PLOD2: variants seen among roughly 807,000 people sequenced by gnomAD.
The protein encoded by PLOD2 is procollagen-lysine,2-oxoglutarate 5-dioxygenase 2, also known as lysine hydroxylase 2.
Under a neutral mutation model 101.0 loss-of-function variants are expected in PLOD2, and 65 were observed. That is an observed-to-expected ratio of 0.64 (90% CI 0.53 to 0.79). The LOEUF is 0.79. Ranked by LOEUF, PLOD2 falls within the 30% of genes least tolerant of loss-of-function variation. The pLI, the probability that PLOD2 is intolerant of heterozygous loss-of-function variation, is 0.00. For synonymous variants in PLOD2, 314 were observed against 302.9 expected (o/e 1.04, Z -0.38); for missense variants, 909 against 914.6 (o/e 0.99, Z 0.08).
intron 1 of PLOD2, among the ~76,000 whole-genome samples, chr3:146,159,316 C>T (rs372510367): frequency 6.6e-6 from 1 of 152,126 alleles, no homozygotes; most frequent in African/African-American, 2.4e-5. Flanking sequence ...CTGTCCAGTT[C>T]CATGAAATTT....
chr3:146,115,255 T>A (rs571451073), intron 3 of PLOD2, among the ~76,000 whole-genome samples: 1 of 152,268 alleles, frequency 6.6e-6, no homozygotes, highest in African/African-American at 2.4e-5. Context: ...GATCTACATG[T>A]GAAGAAAATA....
intron 9 of PLOD2, among the ~76,000 whole-genome samples, chr3:146,087,356 AATAAT>A (rs1352704492): frequency 7.9e-5 from 12 of 152,092 alleles, no homozygotes; most frequent in African/African-American, 2.9e-4. Flanking sequence ...TATAAACTTA[AATAAT>A]CACATTTTAC....
intron 11 of PLOD2, among the ~76,000 whole-genome samples, chr3:146,083,733 T>G (rs1478385823): frequency 1.3e-5 from 2 of 151,682 alleles, no homozygotes; most frequent in African/African-American, 4.8e-5. Flanking sequence ...AGGTGCCCGC[T>G]ACCACGCCCG....
intron 1 of PLOD2, among the ~76,000 whole-genome samples, chr3:146,135,520 G>A (rs369462138): frequency 9.1e-4 from 138 of 152,114 alleles, no homozygotes; most frequent in African/African-American, 3.1e-3. Context: ...AGCATTCACC[G>A]TGCCAAGTTG....
chr3:146,084,234 G>T (rs1936679071), intron 11 of PLOD2, among the ~76,000 whole-genome samples: 1 of 151,992 alleles, frequency 6.6e-6, no homozygotes, highest in South Asian at 2.1e-4. Flanking sequence ...TACCTACGAT[G>T]TATATAGATA....
In PLOD2 at chr3:146,071,440, T is replaced by C. The variant is rs778200711; in HGVS notation, c.1849-17A>G. ...ACGGCTATCCTAGAAACAACATTAA[T>C]GACATAATAAGCTGTACTCCACGTG... On this transcript the variant is annotated splice_polypyrimidine_tract_variant and intron_variant, in intron 17 of 19. Coordinates refer to ENST00000282903, the MANE Select transcript of PLOD2 (RefSeq NM_182943.3). 1.2e-6 allele frequency: 2 copies of C among 1,610,054 alleles called. No individual in the cohort carries two copies. The highest frequency in any genetic ancestry group is 1.3e-5 in the African/African-American group (1 of 74,856).
At chr3:146,102,922 T>C in intron 6 of PLOD2, 70 bp from the exon 7 acceptor site, 1 of 746,660 alleles carries the variant, frequency 1.3e-6, no homozygotes, top group Non-Finnish European at 2.4e-6. Context: ...TTCGTGTGTC[T>C]GTGTGTGTAT....
At chr3:146,079,455 C>T (rs756824855) in intron 12 of PLOD2, among the ~76,000 whole-genome samples, 198 bp from the exon 13 acceptor site, 20 of 151,710 alleles carry the variant, frequency 1.3e-4, no homozygotes, top group Non-Finnish European at 2.5e-4. Context: ...GGAGATAAAC[C>T]ACTGCCCCTT....
intron 7 of PLOD2, among the ~76,000 whole-genome samples, chr3:146,097,548 A>G (rs1479571389): frequency 4.5e-5 from 5 of 110,324 alleles, no homozygotes; most frequent in African/African-American, 7.2e-5. Context: ...TCAGGGTTAA[A>G]TGGATTAAGG....
rs1051872709 is a variant in PLOD2 at position 146,076,765 on chromosome 3, G to C, written c.1677+17C>G. 4.5e-6 allele frequency: 5 copies of C among 1,103,176 alleles called. No homozygotes were observed. The highest frequency in any genetic ancestry group is 6.9e-6 in the Non-Finnish European group (5 of 719,436). The allele number at this position is 1,103,176 out of a possible 1,614,324, so 68.3% of individuals were successfully genotyped here. On this transcript the variant is annotated intron_variant, in intron 15 of 19. Transcript: ENST00000282903. ...ACAGTTATAGAAAAATAATAAAGTT[G>C]AGTATGAAATACATACCACAGGATT... is the stretch of plus-strand genomic sequence containing the variant.
Position 146,086,807 on chromosome 3 carries a change from C to A in PLOD2, c.1107G>T (p.Ala369=). The A allele has an allele frequency of 6.7e-7, 1 of 1,489,906 alleles. No individual in the cohort carries two copies. Among genetic ancestry groups the A allele is most frequent in the Non-Finnish European group, 9.1e-7 (1 of 1,099,412 alleles). The allele number at this position is 1,489,906 out of a possible 1,614,324, so 92.3% of individuals were successfully genotyped here. ...CATACATTCCCATGTTTCTGGCTTC[C>A]GCTTGACTTAGATTTTCTTCTGGTC... is the stretch of plus-strand genomic sequence containing the variant. The part of the protein sequence containing the change: ...IVGPEENLSQ[A]EARNMGMDFC... The change falls in exon 10 of 20, where the codon GCG becomes GCT. Residue 369 remains alanine (A), a synonymous_variant. Transcript: ENST00000282903.
Position 146,161,053 on chromosome 3 carries a change from G to T in PLOD2, c.-64C>A, listed in dbSNP as rs557590083. ...GGCCCCGCAGCGCCGCGCTTCTCGC[G>T]AGAACGCAGAGACCCGGGTCCGCCC... On this transcript the variant is annotated 5_prime_UTR_variant, in exon 1 of 20. Transcript: ENST00000282903. The T allele has an allele frequency of 6.8e-6, 8 of 1,173,676 alleles. No homozygotes were observed. The East Asian group carries it at 2.1e-4, about 30-fold the overall frequency. 72.7% of individuals were successfully genotyped at this position (1,173,676 alleles called of 1,614,324 possible). A position where few individuals can be genotyped will look rare whatever the true frequency, so the allele number is the denominator to read the frequency against.
At chr3:146,115,521 G>A (rs550386981) in intron 3 of PLOD2, among the ~76,000 whole-genome samples, 2 of 152,026 alleles carry the variant, frequency 1.3e-5, no homozygotes, top group South Asian at 4.2e-4. Context: ...CCTATCTCAT[G>A]GAATCTTTTC....
At chr3:146,104,114 C>T (rs548040246) in intron 6 of PLOD2, among the ~76,000 whole-genome samples, 165 bp downstream of exon 6, 2 of 152,228 alleles carry the variant, frequency 1.3e-5, no homozygotes, top group South Asian at 2.1e-4. Context: ...ATTTAATGTA[C>T]TGATGTTAAG....
intron 7 of PLOD2, among the ~76,000 whole-genome samples, chr3:146,099,831 TAAAGGG>T (rs1937323625): frequency 6.6e-6 from 1 of 151,240 alleles, no homozygotes; most frequent in African/African-American, 2.4e-5. Flanking sequence ...ACACACATAG[TAAAGGG>T]ATTCATCTAT....
chr3:146,160,747 C>T (rs2032534124), intron 1 of PLOD2, 134 bp downstream of exon 1: 3 of 639,894 alleles, frequency 4.7e-6, no homozygotes, highest in Admixed American at 2.4e-5. Context: ...TGGGGAAGAC[C>T]CCGGCGGTCC....
At chr3:146,089,126 A>G (rs1936890588) in intron 8 of PLOD2, among the ~76,000 whole-genome samples, 1 of 151,628 alleles carries the variant, frequency 6.6e-6, no homozygotes, top group Non-Finnish European at 1.5e-5. Context: ...CTTAAAGTTC[A>G]GGGCTTAATT....
Position 146,104,327 on chromosome 3 carries a change from T to C in PLOD2, c.631A>G (p.Thr211Ala). The change falls in exon 6 of 20, where the codon ACA (threonine) becomes GCA (alanine). Residue 211 changes from threonine to alanine, a missense_variant. Physicochemically the swap from Thr to Ala is moderately conservative, Grantham distance 58. Transcript: ENST00000282903. Reference protein sequence around the residue: ...DPLKREAINITLDHKCKIFQT... With the variant: ...DPLKREAINIALDHKCKIFQT... ...AAAATTTTGCATTTGTGATCCAATG[T>C]GATGTTAATAGCTTCCTAAAACATA... 6.4e-7 allele frequency: 1 copy of C among 1,557,054 alleles called. No homozygotes were observed. Among genetic ancestry groups the C allele is most frequent in the Non-Finnish European group, 8.9e-7 (1 of 1,128,124 alleles).
intron 11 of PLOD2, among the ~76,000 whole-genome samples, 160 bp downstream of exon 11, chr3:146,085,009 C>T (rs1228687854): frequency 6.6e-6 from 1 of 151,958 alleles, no homozygotes; most frequent in Non-Finnish European, 1.5e-5. Flanking sequence ...TCTATGACTC[C>T]TTTAAATGAA....
Sources: allele counts gnomAD v4.1 joint callset (sites outside exome capture counted in the v4.1 genomes callset), GRCh38; gene constraint gnomAD v4.1.1; transcripts MANE v1.5; gene names NCBI Gene and HGNC (gene_info 2026-07-23, HGNC 2026-07-21).